Variants in MARCHF6 observed in about 807,000 individuals in gnomAD.
The protein encoded by MARCHF6 is membrane associated ring-CH-type finger 6, also known as E3 ubiquitin-protein ligase MARCHF6.
Under a neutral mutation model 133.7 loss-of-function variants are expected in MARCHF6, and 31 were observed. The observed-to-expected ratio is 0.23, with a 90% CI of 0.17 to 0.31. The LOEUF (loss-of-function observed/expected upper bound fraction) is 0.31. MARCHF6 is among the 10% of genes least tolerant of loss of function. The probability of loss-of-function intolerance (pLI) is 1.00; values close to 1 mark genes in which losing one functional copy is unlikely to be tolerated. For synonymous variants in MARCHF6, 395 were observed against 402.5 expected (o/e 0.98, Z 0.22); for missense variants, 723 against 1,121.6 (o/e 0.64, Z 5.08).
At position 10,391,655 on chromosome 5, in the gene MARCHF6, AGAG is replaced by A. The variant is rs758962731; in HGVS notation, c.702_704del (p.Glu234del). 26 of 1,610,306 alleles carry A rather than the reference AGAG, an allele frequency of 1.6e-5. No individual in the cohort carries two copies. The highest frequency in any genetic ancestry group is 3.3e-4 in the Middle Eastern group (2 of 6,038). Reference sequence around the variant, plus strand: ...CTGATGCCCAGGATGACCAGGCAGAAGAGGAGGAGGAGGACAATGAGGAGGAAG... The same window carrying A: ...CTGATGCCCAGGATGACCAGGCAGAAGAGGAGGAGGACAATGAGGAGGAAG... On this transcript the variant is annotated inframe_deletion, in exon 7 of 26. Coordinates refer to ENST00000274140, the MANE Select transcript of MARCHF6 (RefSeq NM_005885.4).
rs1740611794 is a variant in MARCHF6 at position 10,435,673 on chromosome 5, ATATATATATATATATATATATATATT to A, written c.*1991_*2016del. On this transcript the variant is annotated 3_prime_UTR_variant, in exon 26 of 26. Coordinates refer to ENST00000274140, the MANE Select transcript of MARCHF6 (RefSeq NM_005885.4). Reference sequence around the variant, plus strand: ...TATATATATATATATATATATATATATATATATATATATATATATATATATTTTTTTTTTTTTTTTTTTTTTTTTTT... The same window carrying A: ...TATATATATATATATATATATATATATTTTTTTTTTTTTTTTTTTTTTTTT... The A allele has an allele frequency of 6.6e-4, 4 of 6,026 alleles. No individual in the cohort carries two copies. Among genetic ancestry groups the A allele is most frequent in the African/African-American group, 2.4e-3 (2 of 830 alleles). 0.4% of individuals were successfully genotyped at this position (6,026 alleles called of 1,614,324 possible).
At chr5:10,430,151 A>G in intron 25 of MARCHF6, 123 bp downstream of exon 25, 4 of 1,168,876 alleles carry the variant, frequency 3.4e-6, no homozygotes, top group Non-Finnish European at 4.8e-6. Flanking sequence ...AGGTGGGATT[A>G]GCAAGGTTTG....
At chr5:10,365,779 G>A (rs1422963537) in intron 1 of MARCHF6, among the ~76,000 whole-genome samples, 1 of 152,128 alleles carries the variant, frequency 6.6e-6, no homozygotes, top group Non-Finnish European at 1.5e-5. Flanking sequence ...GAGAAAGGAA[G>A]AAAAATTACC....
At chr5:10,424,274 C>T (rs569531324) in intron 23 of MARCHF6, among the ~76,000 whole-genome samples, 22 of 152,208 alleles carry the variant, frequency 1.4e-4, no homozygotes, top group South Asian at 4.1e-4. Context: ...TTGGCAGATG[C>T]GGCTCCTTAG....
At chr5:10,382,014 G>C in intron 4 of MARCHF6, 71 bp downstream of exon 4, 1 of 1,366,574 alleles carries the variant, frequency 7.3e-7, no homozygotes, top group Non-Finnish European at 1.0e-6. Flanking sequence ...AAGCAATATT[G>C]CATCATATTA....
At chr5:10,412,040 C>T (rs1739260655) in intron 19 of MARCHF6, among the ~76,000 whole-genome samples, 1 of 152,188 alleles carries the variant, frequency 6.6e-6, no homozygotes, top group African/African-American at 2.4e-5. Flanking sequence ...GTGAAGTCAT[C>T]ATTTATATCA....
At chr5:10,389,756 T>C (rs1306985138) in intron 5 of MARCHF6, among the ~76,000 whole-genome samples, 2 of 152,244 alleles carry the variant, frequency 1.3e-5, no homozygotes, top group Non-Finnish European at 2.9e-5. Flanking sequence ...ACATATGGCA[T>C]ACTGAATATC....
intron 22 of MARCHF6, among the ~76,000 whole-genome samples, chr5:10,419,101 G>A (rs1739693086): frequency 6.6e-6 from 1 of 152,194 alleles, no homozygotes; most frequent in South Asian, 2.1e-4. Context: ...TAGAATAGGT[G>A]AGAAATAAGT....
Position 10,381,881 on chromosome 5 carries a change from G to A in MARCHF6, c.272G>A (p.Arg91Gln). 8 of 1,611,822 alleles carry A rather than the reference G, an allele frequency of 5.0e-6. No individual in the cohort carries two copies. Among genetic ancestry groups the A allele is most frequent in the Non-Finnish European group, 6.8e-6 (8 of 1,178,234 alleles). The change falls in exon 4 of 26, where the codon CGA becomes CAA. Residue 91 changes from arginine (R) to glutamine (Q), a missense_variant. By Grantham distance (43) the Arg-to-Gln change is conservative (BLOSUM62 1). Transcript: ENST00000274140. ...GTTACAAGTATTGGCACTGCAATAC[G>A]ATATTGGTTTCATTATACACTTGTG... ...GLVTSIGTAI[R>Q]YWFHYTLVAF...
At chr5:10,362,116 T>C (rs938850346) in intron 1 of MARCHF6, among the ~76,000 whole-genome samples, 1 of 152,190 alleles carries the variant, frequency 6.6e-6, no homozygotes, top group Admixed American at 6.5e-5. Context: ...CACCTCTTAA[T>C]GTATTCTGTA....
At chr5:10,367,200 A>C (rs1736188980) in intron 1 of MARCHF6, among the ~76,000 whole-genome samples, 1 of 152,240 alleles carries the variant, frequency 6.6e-6, no homozygotes, top group African/African-American at 2.4e-5. Flanking sequence ...CCAAGGAGAC[A>C]TGACAACTAA....
intron 22 of MARCHF6, among the ~76,000 whole-genome samples, chr5:10,421,359 A>C (rs1236021497): frequency 1.3e-5 from 2 of 152,242 alleles, no homozygotes; most frequent in Non-Finnish European, 2.9e-5. Context: ...ATTTGTTTTG[A>C]TATCGATAGC....
At chr5:10,403,715 T>A (rs926169363) in intron 15 of MARCHF6, among the ~76,000 whole-genome samples, 174 bp downstream of exon 15, 1 of 152,242 alleles carries the variant, frequency 6.6e-6, no homozygotes, top group Non-Finnish European at 1.5e-5. Context: ...TTAAACTGTT[T>A]CAGTTGTTTG....
intron 1 of MARCHF6, among the ~76,000 whole-genome samples, chr5:10,360,303 C>T (rs1437080599): frequency 6.6e-6 from 1 of 151,728 alleles, no homozygotes; most frequent in Non-Finnish European, 1.5e-5. Flanking sequence ...GCATGCACCA[C>T]CATGCCTGGC....
intron 4 of MARCHF6, among the ~76,000 whole-genome samples, chr5:10,384,661 C>T (rs537412355): frequency 1.3e-5 from 2 of 152,206 alleles, no homozygotes; most frequent in Admixed American, 1.3e-4. Flanking sequence ...GAGAAATGCA[C>T]AAGGAGGGTG....
At position 10,375,539 on chromosome 5, in the gene MARCHF6, G is replaced by A. The variant is rs540578430; in HGVS notation, c.20-2259G>A. 1.1e-4 allele frequency among the ~76,000 whole-genome samples: 17 copies of A among 152,372 alleles called. No homozygotes were observed. The South Asian group carries it at 3.5e-3, about 32-fold the overall frequency. On this transcript the variant is annotated intron_variant, in intron 1 of 25. Transcript: ENST00000274140. The stretch of plus-strand genomic sequence containing the variant: ...ATCGACCACCCAAGGGCTGAGGAGT[G>A]CCAGCGCATGGCGCGGGACTGGCAG...
intron 23 of MARCHF6, 136 bp from the exon 24 acceptor site, chr5:10,426,254 A>G: frequency 1.1e-6 from 1 of 904,708 alleles, no homozygotes; most frequent in Non-Finnish European, 1.7e-6. Context: ...ATATACCAGA[A>G]TTTGCCTTGA....
At chr5:10,430,581 G>C (rs958914091) in intron 25 of MARCHF6, among the ~76,000 whole-genome samples, 1 of 152,184 alleles carries the variant, frequency 6.6e-6, no homozygotes, top group African/African-American at 2.4e-5. Flanking sequence ...TGGGATTACA[G>C]GTGTGAGCCA....
intron 22 of MARCHF6, among the ~76,000 whole-genome samples, chr5:10,420,068 C>T (rs985799336): frequency 3.8e-4 from 58 of 151,442 alleles, no homozygotes; most frequent in African/African-American, 1.4e-3. Flanking sequence ...TGGTTGCTAC[C>T]CATCTGGGGC....
Sources: allele counts gnomAD v4.1 joint callset (sites outside exome capture counted in the v4.1 genomes callset), GRCh38; gene constraint gnomAD v4.1.1; transcripts MANE v1.5; gene names NCBI Gene and HGNC (gene_info 2026-07-23, HGNC 2026-07-21).